ODAD4: variants seen among roughly 807,000 people sequenced by gnomAD.
ODAD4 encodes the protein outer dynein arm-docking complex subunit 4.
A neutral mutation model predicts 51.8 loss-of-function variants in ODAD4; 49 were observed. The ratio of observed to expected loss-of-function variants is 0.95; its 90% CI spans 0.75 to 1.20. The LOEUF is 1.20. Ranked by LOEUF, ODAD4 falls within the 50% of genes most tolerant of loss-of-function variation. The pLI is 0.00. For missense variants in ODAD4, 590 were observed against 586.5 expected (o/e 1.01, Z -0.06); for synonymous variants, 235 against 221.3 (o/e 1.06, Z -0.55).
intron 1 of ODAD4, 66 bp from the exon 2 acceptor site, chr17:41,935,151 C>T: frequency 3.1e-6 from 5 of 1,599,368 alleles, no homozygotes; most frequent in Admixed American, 1.7e-5. Flanking sequence ...TTTGGGCTGC[C>T]CTTCCCACTC....
chr17:41,947,478 C>CT (rs2050604327), intron 8 of ODAD4, among the ~76,000 whole-genome samples: 2 of 144,764 alleles, frequency 1.4e-5, no homozygotes, highest in Admixed American at 1.4e-4. Context: ...CAGCAAGACT[C>CT]TGTCTCAAAA....
At chr17:41,955,635 A>C (rs990556801) in intron 10 of ODAD4, among the ~76,000 whole-genome samples, 4 of 152,080 alleles carry the variant, frequency 2.6e-5, no homozygotes, top group African/African-American at 9.7e-5. Flanking sequence ...ACTGTTAGCC[A>C]GGATGGTCTC....
chr17:41,936,710 G>A, intron 4 of ODAD4, 52 bp from the exon 5 acceptor site: 1 of 1,604,578 alleles, frequency 6.2e-7, no homozygotes. Context: ...CCATGGCTGG[G>A]TACACTCTGC....
chr17:41,946,372 C>G (rs1013601571), intron 8 of ODAD4, among the ~76,000 whole-genome samples: 6 of 152,226 alleles, frequency 3.9e-5, no homozygotes, highest in Non-Finnish European at 5.9e-5. Context: ...GTCACCCAGG[C>G]TGGAGTGCAA....
At chr17:41,949,445 T>TCTGGAA (rs1188011505) in intron 9 of ODAD4, 96 bp downstream of exon 9, 1 of 397,218 alleles carries the variant, frequency 2.5e-6, no homozygotes, top group Non-Finnish European at 4.4e-6. Flanking sequence ...ACCATCCCAG[T>TCTGGAA]GTTTCTCCTT....
intron 5 of ODAD4, 104 bp downstream of exon 5, chr17:41,937,031 G>A (rs1291190907): frequency 1.1e-5 from 14 of 1,332,920 alleles, no homozygotes; most frequent in African/African-American, 2.9e-5. Flanking sequence ...ATTAGCTGAC[G>A]TGTACCTGTG....
rs966406088 is a variant in ODAD4 at position 41,935,076 on chromosome 17, A to T, written c.115-141A>T. 3.0e-6 allele frequency: 3 copies of T among 989,128 alleles called. No individual in the cohort carries two copies. In the South Asian group the frequency reaches 5.0e-5, roughly 17 times the overall value. The allele number at this position is 989,128 out of a possible 1,614,324, so 61.3% of individuals were successfully genotyped here. A position where few individuals can be genotyped will look rare whatever the true frequency, so the allele number is the denominator to read the frequency against. On this transcript the variant is annotated intron_variant, in intron 1 of 11. Coordinates refer to ENST00000377540, the MANE Select transcript of ODAD4 (RefSeq NM_031421.5). The stretch of plus-strand genomic sequence containing the variant: ...CAGAGGCCTGTGTGCTGGCCTGAAG[A>T]ATCCCCTTGATTCTTCAGAGCCTTG...
At chr17:41,960,320 C>T (rs1283799360) in intron 10 of ODAD4, among the ~76,000 whole-genome samples, 1 of 151,836 alleles carries the variant, frequency 6.6e-6, no homozygotes, top group Non-Finnish European at 1.5e-5. Flanking sequence ...AAAAAACAAA[C>T]AAACAAAAAA....
At position 41,946,999 on chromosome 17, in the gene ODAD4, C is replaced by T. The variant is rs868970140; in HGVS notation, c.1145+1777C>T. On this transcript the variant is annotated intron_variant, in intron 8 of 11. Transcript: ENST00000377540. Reference sequence around the variant, plus strand: ...CTGAGTAGTGGGGACTACAGGCGCCCGCCACCACGCCTGGCTAATTTTGTA... The same window carrying T: ...CTGAGTAGTGGGGACTACAGGCGCCTGCCACCACGCCTGGCTAATTTTGTA... 2.9e-3 allele frequency among the ~76,000 whole-genome samples: 438 copies of T among 151,950 alleles called. 3 individuals carry two copies. The highest frequency in any genetic ancestry group is 1.0e-2 in the African/African-American group (415 of 41,516).
At chr17:41,931,425 A>C (rs2050335776) in intron 1 of ODAD4, among the ~76,000 whole-genome samples, 1 of 152,184 alleles carries the variant, frequency 6.6e-6, no homozygotes, top group Non-Finnish European at 1.5e-5. Context: ...CTCCTTCCAC[A>C]GAGCAGCCTT....
At chr17:41,948,479 C>A (rs2050615693) in intron 8 of ODAD4, among the ~76,000 whole-genome samples, 1 of 151,896 alleles carries the variant, frequency 6.6e-6, no homozygotes, top group Non-Finnish European at 1.5e-5. Context: ...CTGTGCCTGG[C>A]TAAATTTTGT....
intron 9 of ODAD4, among the ~76,000 whole-genome samples, chr17:41,949,725 T>A (rs1484406047): frequency 5.3e-5 from 8 of 152,156 alleles, no homozygotes; most frequent in African/African-American, 1.9e-4. Flanking sequence ...CAGGCTGGAG[T>A]GCAGTGGTGC....
At chr17:41,950,471 C>G (rs1174099797) in intron 9 of ODAD4, among the ~76,000 whole-genome samples, 1 of 151,616 alleles carries the variant, frequency 6.6e-6, no homozygotes, top group Non-Finnish European at 1.5e-5. Flanking sequence ...CAACCTCTGC[C>G]TCATGGGTTC....
At chr17:41,964,819 T>C (rs1555642276) in intron 11 of ODAD4, among the ~76,000 whole-genome samples, 174 bp from the exon 12 acceptor site, 1 of 151,966 alleles carries the variant, frequency 6.6e-6, no homozygotes, top group African/African-American at 2.4e-5. Flanking sequence ...ATTTTTGTAT[T>C]TTTAGTACAG....
At chr17:41,958,205 T>A (rs1161749094) in intron 10 of ODAD4, among the ~76,000 whole-genome samples, 4 of 152,234 alleles carry the variant, frequency 2.6e-5, no homozygotes, top group African/African-American at 9.6e-5. Flanking sequence ...AGATGTCCCC[T>A]CTTTGAGGCG....
intron 1 of ODAD4, among the ~76,000 whole-genome samples, chr17:41,933,197 G>A (rs2144486114): frequency 6.6e-6 from 1 of 152,278 alleles, no homozygotes; most frequent in African/African-American, 2.4e-5. Flanking sequence ...TGGATGAGAA[G>A]CAGTCACTTT....
chr17:41,930,786 G>A lies in ODAD4; in HGVS notation c.63G>A (p.Glu21=). 1 of 1,608,752 alleles carries A rather than the reference G, an allele frequency of 6.2e-7. No homozygotes were observed. The highest frequency in any genetic ancestry group is 8.5e-7 in the Non-Finnish European group (1 of 1,177,656). The change falls in exon 1 of 12, where the codon GAG becomes GAA. Residue 21 remains glutamate (E), a synonymous_variant. Coordinates refer to ENST00000377540, the MANE Select transcript of ODAD4 (RefSeq NM_031421.5). ...TTCCCTCTTATATGGCCGAAGGCGAGCGGCTCTACCTGTGCGGGGAATTTT... is the reference window on the plus strand; with the variant it reads ...TTCCCTCTTATATGGCCGAAGGCGAACGGCTCTACCTGTGCGGGGAATTTT... ...STFPSYMAEG[E]RLYLCGEFSK... is the part of the protein sequence containing the mutation.
At chr17:41,939,949 T>C (rs1282648018) in intron 7 of ODAD4, among the ~76,000 whole-genome samples, 1 of 152,142 alleles carries the variant, frequency 6.6e-6, no homozygotes, top group African/African-American at 2.4e-5. Context: ...GAAGGGAGGA[T>C]GAAATACAGA....
intron 7 of ODAD4, among the ~76,000 whole-genome samples, chr17:41,939,627 C>T (rs1298881009): frequency 6.6e-5 from 10 of 152,146 alleles, no homozygotes; most frequent in Non-Finnish European, 1.5e-4. Flanking sequence ...GTGAGAAATA[C>T]ATTCCAGGAG....
Sources: gnomAD v4.1 joint callset for allele counts (sites outside exome capture counted in the v4.1 genomes callset) on GRCh38, gnomAD v4.1.1 for gene constraint, MANE v1.5 for transcripts, NCBI Gene and HGNC (gene_info 2026-07-23, HGNC 2026-07-21) for gene names.